The following PRKAR1A variants were observed in gnomAD, a reference collection of about 807,000 sequenced individuals.
PRKAR1A encodes cAMP-dependent protein kinase type I-alpha regulatory subunit.
A neutral mutation model predicts 52.0 loss-of-function variants in PRKAR1A; 3 were observed. The observed-to-expected ratio is 0.06, with a 90% CI of 0.03 to 0.15. PRKAR1A has a LOEUF of 0.15. PRKAR1A is among the 10% of genes least tolerant of loss of function. The probability of loss-of-function intolerance (pLI) is 1.00; values close to 1 mark genes in which losing one functional copy is unlikely to be tolerated. For synonymous variants in PRKAR1A, 188 were observed against 168.4 expected, an observed-to-expected ratio of 1.12 and a Z score of -0.90; for missense variants, 240 against 477.4, an observed-to-expected ratio of 0.50 and a Z score of 4.63.
At chr17:68,433,775 T>TG in the PRKAR1A span, among the ~76,000 whole-genome samples, 2 of 61,516 alleles carry the variant, frequency 3.3e-5, no homozygotes, top group African/African-American at 1.0e-4. Flanking sequence ...TTTTTTTTTT[T>TG]TTTTTTTTTT....
the PRKAR1A span, among the ~76,000 whole-genome samples, chr17:68,495,654 A>G: frequency 6.6e-6 from 1 of 152,178 alleles, no homozygotes; most frequent in Non-Finnish European, 1.5e-5. Flanking sequence ...CATACATTGT[A>G]GCACATTTGT....
chr17:68,503,601 T>TGTATGCTTCCAA, the PRKAR1A span, among the ~76,000 whole-genome samples: 10 of 152,210 alleles, frequency 6.6e-5, no homozygotes, highest in Admixed American at 6.5e-4. Flanking sequence ...GGCTACATAG[T>TGTATGCTTCCAA]GTATGCTTCC....
At chr17:68,550,821 A>G (rs1355066361) in intron 11 of PRKAR1A, among the ~76,000 whole-genome samples, 1 of 152,336 alleles carries the variant, frequency 6.6e-6, no homozygotes, top group African/African-American at 2.4e-5. Context: ...AAGTGAATCT[A>G]ACATGCAGCT....
the PRKAR1A span, among the ~76,000 whole-genome samples, chr17:68,454,047 ACAAT>A: frequency 4.6e-5 from 7 of 152,240 alleles, no homozygotes; most frequent in Non-Finnish European, 1.0e-4. Flanking sequence ...TTTATCTAGG[ACAAT>A]CAAAGTGCCT....
the PRKAR1A span, among the ~76,000 whole-genome samples, chr17:68,488,286 G>T: frequency 4.9e-4 from 75 of 152,312 alleles, 1 homozygote; most frequent in Admixed American, 9.8e-4. Flanking sequence ...GCTGAGGTCT[G>T]AGTCTGACAG....
the PRKAR1A span, among the ~76,000 whole-genome samples, chr17:68,444,023 G>A: frequency 1.3e-5 from 2 of 152,056 alleles, no homozygotes; most frequent in African/African-American, 4.8e-5. Flanking sequence ...GCATATCGTC[G>A]AAGTAGAGAG....
the PRKAR1A span, chr17:68,457,433 CCCGGG>C: frequency 2.4e-6 from 1 of 416,858 alleles, no homozygotes; most frequent in South Asian, 5.0e-5. Flanking sequence ...GGGGGCTCGG[CCCGGG>C]AAGCCGCAGC....
At chr17:68,427,076 G>C in the PRKAR1A span, 1 of 1,414,136 alleles carries the variant, frequency 7.1e-7, no homozygotes, top group Non-Finnish European at 1.0e-6. Context: ...AGCGTGCAGG[G>C]AGAAGGGGAG....
chr17:68,470,464 T>C, the PRKAR1A span, among the ~76,000 whole-genome samples: 1 of 152,246 alleles, frequency 6.6e-6, no homozygotes, highest in Non-Finnish European at 1.5e-5. Context: ...CTGAAGCACA[T>C]TGAGAACCAA....
At chr17:68,523,907 AG>A in intron 4 of PRKAR1A, 91 bp downstream of exon 4, 1 of 1,573,580 alleles carries the variant, frequency 6.4e-7, no homozygotes, top group Middle Eastern at 1.7e-4. Context: ...TAGAGCTCTT[AG>A]TAATTGTTCA....
chr17:68,502,154 G>T, the PRKAR1A span, among the ~76,000 whole-genome samples: 5 of 152,086 alleles, frequency 3.3e-5, no homozygotes, highest in Admixed American at 3.3e-4. Context: ...TCATGTCCTT[G>T]CTTCATTAGA....
intron 11 of PRKAR1A, among the ~76,000 whole-genome samples, chr17:68,538,564 C>T (rs1170986558): frequency 6.6e-6 from 1 of 152,226 alleles, no homozygotes; most frequent in African/African-American, 2.4e-5. Context: ...GTTAGACATT[C>T]TCTAGAGAAA....
At chr17:68,486,516 T>C in the PRKAR1A span, among the ~76,000 whole-genome samples, 2,462 of 78,886 alleles carry the variant, frequency 0.031, 62 homozygotes, top group Non-Finnish European at 0.046. Flanking sequence ...CTTCTTTCTT[T>C]CTTTCTTTCT....
the PRKAR1A span, among the ~76,000 whole-genome samples, chr17:68,417,733 ATTTTTTTTTT>A: frequency 2.0e-4 from 12 of 60,832 alleles, no homozygotes; most frequent in East Asian, 1.9e-3. Flanking sequence ...GAGTTGCTGA[ATTTTTTTTTT>A]TTTTTTTTTT....
chr17:68,417,307 C>T, the PRKAR1A span, among the ~76,000 whole-genome samples: 9 of 152,162 alleles, frequency 5.9e-5, no homozygotes, highest in South Asian at 4.1e-4. Flanking sequence ...CTCCTGAGGG[C>T]AGGCCTTGTT....
chr17:68,502,234 G>C, the PRKAR1A span, among the ~76,000 whole-genome samples: 1 of 152,096 alleles, frequency 6.6e-6, no homozygotes, highest in Non-Finnish European at 1.5e-5. Context: ...AATCCCCACA[G>C]CTATAAGACA....
At chr17:68,459,010 C>A in the PRKAR1A span, among the ~76,000 whole-genome samples, 197 of 152,284 alleles carry the variant, frequency 1.3e-3, 2 homozygotes, top group Non-Finnish European at 2.4e-4. Flanking sequence ...CTAAACCTTT[C>A]TGGTTGGATT....
At chr17:68,488,060 TA>T in the PRKAR1A span, among the ~76,000 whole-genome samples, 2 of 148,680 alleles carry the variant, frequency 1.3e-5, no homozygotes, top group African/African-American at 5.0e-5. Context: ...CACAGGGGAG[TA>T]GGGGGGTGGC....
At chr17:68,470,508 T>C in the PRKAR1A span, among the ~76,000 whole-genome samples, 1 of 152,268 alleles carries the variant, frequency 6.6e-6, no homozygotes, top group African/African-American at 2.4e-5. Flanking sequence ...TATTTTTCTT[T>C]GTCTTTGAAC....
Sources: gnomAD v4.1 joint callset for allele counts (sites outside exome capture counted in the v4.1 genomes callset) on GRCh38, gnomAD v4.1.1 for gene constraint, MANE v1.5 for transcripts, NCBI Gene and HGNC (gene_info 2026-07-23, HGNC 2026-07-21) for gene names.